CDYL: variants seen among roughly 807,000 people sequenced by gnomAD.
CDYL encodes the protein chromodomain Y-like protein.
A neutral mutation model predicts 47.3 loss-of-function variants in CDYL; 8 were observed. The observed-to-expected ratio is 0.17, with a 90% confidence interval of 0.10 to 0.31. CDYL has a LOEUF of 0.31. Among genes scored for constraint, CDYL ranks in the 10% least tolerant of loss-of-function variants. The probability of loss-of-function intolerance (pLI) is 1.00; values close to 1 mark genes in which losing one functional copy is unlikely to be tolerated. For synonymous variants in CDYL, 266 were observed against 265.0 expected (o/e 1.00, Z -0.04); for missense variants, 471 against 701.4 (o/e 0.67, Z 3.71).
chr6:4,830,034 T>C (rs1030134202), intron 1 of CDYL, among the ~76,000 whole-genome samples: 3 of 152,226 alleles, frequency 2.0e-5, no homozygotes, highest in African/African-American at 7.2e-5. Flanking sequence ...ATAATTGCTG[T>C]TTTTTGGAAA....
intron 1 of CDYL, among the ~76,000 whole-genome samples, chr6:4,811,605 A>ATTTTT (rs1426746120): frequency 2.1e-5 from 3 of 140,932 alleles, no homozygotes; most frequent in African/African-American, 8.2e-5. Flanking sequence ...CAATGACATT[A>ATTTTT]TTCTTTTTTT....
At chr6:4,860,276 C>T (rs150467980) in intron 1 of CDYL, among the ~76,000 whole-genome samples, 28 of 152,068 alleles carry the variant, frequency 1.8e-4, no homozygotes, top group African/African-American at 6.3e-4. Context: ...TTAGTGTTAA[C>T]GTTTCGTTAC....
At chr6:4,765,010 C>A (rs991023803) in intron 3 of CDYL, among the ~76,000 whole-genome samples, 36 of 152,004 alleles carry the variant, frequency 2.4e-4, no homozygotes, top group African/African-American at 8.2e-4. Context: ...AGATTATATT[C>A]TTTCACTACA....
chr6:4,938,998 T>C (rs1025597424), intron 4 of CDYL, among the ~76,000 whole-genome samples: 1 of 152,196 alleles, frequency 6.6e-6, no homozygotes, highest in African/African-American at 2.4e-5. Context: ...TTGGCTATGC[T>C]TCTCTACTCA....
chr6:4,753,933 C>G (rs948725655), intron 3 of CDYL, among the ~76,000 whole-genome samples: 24 of 152,084 alleles, frequency 1.6e-4, no homozygotes, highest in African/African-American at 5.8e-4. Context: ...AATGTTCTTA[C>G]CCCCTTTTTC....
intron 3 of CDYL, among the ~76,000 whole-genome samples, chr6:4,763,858 A>T (rs1026528658): frequency 6.6e-6 from 1 of 152,000 alleles, no homozygotes; most frequent in Non-Finnish European, 1.5e-5. Context: ...CAGGAGAATC[A>T]CTTGAACCCG....
At chr6:4,902,622 A>G (rs900629092) in intron 2 of CDYL, among the ~76,000 whole-genome samples, 8 of 151,894 alleles carry the variant, frequency 5.3e-5, no homozygotes, top group African/African-American at 1.9e-4. Context: ...TTCTAGTCCT[A>G]TCTTTGGGAG....
intron 1 of CDYL, among the ~76,000 whole-genome samples, chr6:4,874,953 C>G (rs1761578516): frequency 6.6e-6 from 1 of 152,128 alleles, no homozygotes; most frequent in Admixed American, 6.5e-5. Context: ...TCAGTGGGTA[C>G]CTGGGCTGAT....
chr6:4,734,680 G>A (rs1757670624), intron 2 of CDYL: 1 of 1,575,250 alleles, frequency 6.3e-7, no homozygotes, highest in Non-Finnish European at 8.6e-7. Flanking sequence ...GGGAAGTTGG[G>A]GGATGGGGAT....
chr6:4,753,896 C>T (rs1232750609), intron 3 of CDYL, among the ~76,000 whole-genome samples: 1 of 152,198 alleles, frequency 6.6e-6, no homozygotes, highest in African/African-American at 2.4e-5. Flanking sequence ...CAAATGGATT[C>T]CATTGCTCTG....
At chr6:4,842,171 T>C (rs938906154) in intron 1 of CDYL, among the ~76,000 whole-genome samples, 25 of 143,948 alleles carry the variant, frequency 1.7e-4, no homozygotes, top group African/African-American at 5.6e-4. Flanking sequence ...TATATTATAT[T>C]ATATAATAAA....
At chr6:4,764,683 C>T (rs748069075) in intron 3 of CDYL, among the ~76,000 whole-genome samples, 2 of 152,190 alleles carry the variant, frequency 1.3e-5, no homozygotes, top group African/African-American at 2.4e-5. Context: ...TAGATTATAA[C>T]AATTTTAAAC....
chr6:4,760,140 C>A (rs535451574), intron 3 of CDYL, among the ~76,000 whole-genome samples: 3 of 151,568 alleles, frequency 2.0e-5, no homozygotes, highest in Non-Finnish European at 4.4e-5. Flanking sequence ...CAGCCACATC[C>A]TCTTATACTT....
At chr6:4,777,674 C>G (rs1007625315) in intron 1 of CDYL, among the ~76,000 whole-genome samples, 1 of 152,188 alleles carries the variant, frequency 6.6e-6, no homozygotes, top group Non-Finnish European at 1.5e-5. Flanking sequence ...ACTCTCTAGA[C>G]TCACCTTTAT....
intron 1 of CDYL, among the ~76,000 whole-genome samples, chr6:4,819,146 CTCTCTCTCTCTCTCTCTGTGTG>C (rs1249299699): frequency 7.8e-4 from 110 of 141,502 alleles, no homozygotes; most frequent in African/African-American, 2.6e-3. Flanking sequence ...CTCTCTCTCT[CTCTCTCTCTCTCTCTCTGTGTG>C]TGTGTGTGTG....
intron 3 of CDYL, among the ~76,000 whole-genome samples, chr6:4,743,255 A>G (rs79420032): frequency 3.3e-4 from 51 of 152,344 alleles, no homozygotes; most frequent in Admixed American, 1.5e-3. Flanking sequence ...CTGGGGCCAC[A>G]GCCTTATCTC....
intron 1 of CDYL, among the ~76,000 whole-genome samples, chr6:4,882,118 C>T (rs975623770): frequency 6.6e-6 from 1 of 152,152 alleles, no homozygotes; most frequent in Non-Finnish European, 1.5e-5. Flanking sequence ...CATGTTGGTA[C>T]CCTGGGTACT....
At chr6:4,861,926 C>T (rs1344164092) in intron 1 of CDYL, among the ~76,000 whole-genome samples, 2 of 152,196 alleles carry the variant, frequency 1.3e-5, no homozygotes, top group African/African-American at 4.8e-5. Context: ...TAAAATCCAG[C>T]ATCCAGTACA....
chr6:4,772,503 C>G (rs1473682174), upstream of CDYL, among the ~76,000 whole-genome samples: 1 of 152,210 alleles, frequency 6.6e-6, no homozygotes, highest in Non-Finnish European at 1.5e-5. Context: ...GCTCCCAGTT[C>G]AGACAAGGCC....
Sources: gnomAD v4.1 joint callset for allele counts (sites outside exome capture counted in the v4.1 genomes callset) on GRCh38, gnomAD v4.1.1 for gene constraint, MANE v1.5 for transcripts, NCBI Gene and HGNC (gene_info 2026-07-23, HGNC 2026-07-21) for gene names.